Variants in CCDC38 observed in about 807,000 individuals in gnomAD.
CCDC38 encodes coiled-coil domain containing 38, also known as coiled-coil domain-containing protein 38.
A neutral mutation model predicts 72.8 loss-of-function variants in CCDC38; 69 were observed. The ratio of observed to expected loss-of-function variants is 0.95; its 90% CI spans 0.78 to 1.16. CCDC38 has a LOEUF of 1.16. Ranked by LOEUF, CCDC38 falls within the 50% of genes most tolerant of loss-of-function variation. The pLI is 0.00. For missense variants in CCDC38, 626 were observed against 638.9 expected, an observed-to-expected ratio of 0.98 and a Z score of 0.22; for synonymous variants, 201 against 213.2, an observed-to-expected ratio of 0.94 and a Z score of 0.50.
At chr12:95,910,445 G>A (rs2080080120) in intron 4 of CCDC38, among the ~76,000 whole-genome samples, 2 of 152,098 alleles carry the variant, frequency 1.3e-5, no homozygotes, top group African/African-American at 4.8e-5. Context: ...AAACATTCCA[G>A]GCTCATGGAT....
chr12:95,923,098 TG>T (rs2080226697), intron 2 of CCDC38, among the ~76,000 whole-genome samples: 1 of 152,104 alleles, frequency 6.6e-6, no homozygotes, highest in Non-Finnish European at 1.5e-5. Context: ...CTGCTTGAAC[TG>T]GGACATCTCA....
intron 2 of CCDC38, among the ~76,000 whole-genome samples, chr12:95,920,590 A>G (rs1001726867): frequency 6.6e-6 from 1 of 152,226 alleles, no homozygotes. Flanking sequence ...AAGTAAAAGA[A>G]GCCAGTAACA....
At chr12:95,940,299 G>A (rs2080435138) in intron 1 of CCDC38, among the ~76,000 whole-genome samples, 1 of 152,154 alleles carries the variant, frequency 6.6e-6, no homozygotes, top group African/African-American at 2.4e-5. Flanking sequence ...TTCATGTAGA[G>A]TCTTAACATT....
chr12:95,883,415 C>A (rs944727450), intron 10 of CCDC38, among the ~76,000 whole-genome samples: 1 of 152,172 alleles, frequency 6.6e-6, no homozygotes, highest in African/African-American at 2.4e-5. Context: ...AGCCTCTCCC[C>A]CTTTTACCCA....
intron 10 of CCDC38, among the ~76,000 whole-genome samples, chr12:95,881,910 T>C (rs183744395): frequency 6.6e-6 from 1 of 152,236 alleles, no homozygotes; most frequent in Non-Finnish European, 1.5e-5. Flanking sequence ...TTTTAATGCA[T>C]TCTTCTTGAG....
At chr12:95,914,769 G>C (rs572177113) in intron 4 of CCDC38, among the ~76,000 whole-genome samples, 1 of 151,450 alleles carries the variant, frequency 6.6e-6, no homozygotes, top group Non-Finnish European at 1.5e-5. Context: ...AGCCACCCCC[G>C]CTCCTCACAC....
intron 2 of CCDC38, chr12:95,934,091 A>G (rs2080365879): frequency 6.6e-6 from 1 of 152,126 alleles, no homozygotes; most frequent in African/African-American, 2.4e-5. Flanking sequence ...CTAAAATATG[A>G]TAGTCAACAA....
intron 4 of CCDC38, among the ~76,000 whole-genome samples, chr12:95,914,566 G>T (rs1369796619): frequency 2.0e-5 from 3 of 152,038 alleles, no homozygotes; most frequent in Non-Finnish European, 4.4e-5. Context: ...AACTCTAGCA[G>T]ATAAAAAGTT....
Position 95,917,126 on chromosome 12 carries a change from C to T in CCDC38, c.304+3G>A. 1 of 1,570,150 alleles carries T rather than the reference C, an allele frequency of 6.4e-7. No homozygotes were observed. The highest frequency in any genetic ancestry group is 8.6e-7 in the Non-Finnish European group (1 of 1,167,910). ...ATGTTCTTAAAGAGTAATTTAGACT[C>T]ACCTTCTATTAATCTAGGAATCGGA... is the stretch of plus-strand genomic sequence containing the variant. On this transcript the variant is annotated splice_donor_region_variant and intron_variant, in intron 4 of 15. Coordinates refer to ENST00000344280, the MANE Select transcript of CCDC38 (RefSeq NM_182496.3).
At chr12:95,900,131 G>T (rs2079935450) in intron 5 of CCDC38, among the ~76,000 whole-genome samples, 1 of 152,124 alleles carries the variant, frequency 6.6e-6, no homozygotes, top group African/African-American at 2.4e-5. Flanking sequence ...CTAATATAAG[G>T]AAGAGCCTCC....
At chr12:95,921,294 G>A (rs7958059) in intron 2 of CCDC38, among the ~76,000 whole-genome samples, 79,917 of 151,834 alleles carry the variant, frequency 0.53, 21,666 homozygotes, top group East Asian at 0.92. Context: ...GGAAATCTTG[G>A]CTTTCAAAAC....
intron 2 of CCDC38, among the ~76,000 whole-genome samples, chr12:95,928,432 AC>A (rs2080297490): frequency 6.6e-6 from 1 of 152,110 alleles, no homozygotes; most frequent in Admixed American, 6.5e-5. Context: ...TTCTAGTTAT[AC>A]ATTCTTCTAA....
intron 4 of CCDC38, among the ~76,000 whole-genome samples, chr12:95,908,319 A>C (rs1379384149): frequency 2.0e-5 from 3 of 150,446 alleles, no homozygotes; most frequent in Admixed American, 6.6e-5. Flanking sequence ...AAAACCAGTC[A>C]GGCGTGGCGG....
chr12:95,918,984 A>AAAAG lies in CCDC38; in HGVS notation c.38-12_38-9dup. The AAAAG allele has an allele frequency of 6.5e-7, 1 of 1,532,770 alleles. No individual in the cohort carries two copies. Among genetic ancestry groups the AAAAG allele is most frequent in the Non-Finnish European group, 9.0e-7 (1 of 1,107,328 alleles). 94.9% of individuals were successfully genotyped at this position (1,532,770 alleles called of 1,614,324 possible). A position where few individuals can be genotyped will look rare whatever the true frequency, so the allele number is the denominator to read the frequency against. On this transcript the variant is annotated splice_polypyrimidine_tract_variant and intron_variant, in intron 2 of 15. Coordinates refer to ENST00000344280, the MANE Select transcript of CCDC38 (RefSeq NM_182496.3). ...AGCCATCTTTTACTTTACCTGTTAA[A>AAAAG]AAAGAAAGAATGAATGAATGAATTC...
chr12:95,867,907 T>TA (rs1286786345), intron 15 of CCDC38, among the ~76,000 whole-genome samples: 1 of 152,212 alleles, frequency 6.6e-6, no homozygotes, highest in Admixed American at 6.5e-5. Context: ...CAAAAGGCAC[T>TA]ATTGACATTG....
chr12:95,940,878 AC>A (rs1478007476), intron 1 of CCDC38, among the ~76,000 whole-genome samples: 4 of 81,328 alleles, frequency 4.9e-5, no homozygotes, highest in African/African-American at 2.6e-4. Flanking sequence ...GTGAAAAAAA[AC>A]AAACAAACAA....
chr12:95,888,235 G>A (rs114270661), intron 10 of CCDC38, among the ~76,000 whole-genome samples: 1,779 of 152,286 alleles, frequency 0.012, 32 homozygotes, highest in African/African-American at 0.041. Flanking sequence ...CAAGATGCAG[G>A]GGGCGGGGCA....
intron 8 of CCDC38, among the ~76,000 whole-genome samples, chr12:95,891,718 C>G (rs916615915): frequency 1.3e-5 from 2 of 151,954 alleles, no homozygotes; most frequent in African/African-American, 2.4e-5. Flanking sequence ...TGTTTTCCCT[C>G]TTGTGCAACA....
At chr12:95,935,479 G>A in intron 2 of CCDC38, 1 of 252,514 alleles carries the variant, frequency 4.0e-6, no homozygotes, top group South Asian at 3.8e-5. Context: ...AGAAGGAGTT[G>A]GGCCCCTGAT....
Sources: gnomAD v4.1 joint callset for allele counts (sites outside exome capture counted in the v4.1 genomes callset) on GRCh38, gnomAD v4.1.1 for gene constraint, MANE v1.5 for transcripts, NCBI Gene and HGNC (gene_info 2026-07-23, HGNC 2026-07-21) for gene names.